The following LBH variants were observed in gnomAD, a reference collection of about 807,000 sequenced individuals.
LBH encodes the protein protein LBH.
In LBH, 7 loss-of-function variants were observed where a neutral mutation model predicts 12.5. That is an observed-to-expected ratio of 0.56 (90% CI 0.32 to 1.05). The LOEUF is 1.05. Among genes scored for constraint, LBH ranks in the 50% least tolerant of loss-of-function variants. LBH has a pLI of 0.04. For missense variants in LBH, 119 were observed against 138.9 expected, an observed-to-expected ratio of 0.86 and a Z score of 0.72; for synonymous variants, 51 against 50.1, an observed-to-expected ratio of 1.02 and a Z score of -0.08.
At chr2:30,231,830 T>C in intron 1 of LBH, 66 bp downstream of exon 1, 3 of 1,426,224 alleles carry the variant, frequency 2.1e-6, no homozygotes, top group Non-Finnish European at 2.8e-6. Context: ...GGGCGCCTGC[T>C]TCGTGCCGGC....
Position 30,231,655 on chromosome 2 carries a change from C to A in LBH, c.-84C>A. On this transcript the variant is annotated 5_prime_UTR_variant, in exon 1 of 3. Coordinates refer to ENST00000395323, the MANE Select transcript of LBH (RefSeq NM_030915.4). ...TCCGCACTCGGCCGCCTGCCGTGCC[C>A]GTCTGCGCCCGTGTCATCCTCACTC... 7.2e-7 allele frequency: 1 copy of A among 1,391,460 alleles called. No homozygotes were observed. The highest frequency in any genetic ancestry group is 1.0e-6 in the Non-Finnish European group (1 of 989,618). 86.2% of individuals were successfully genotyped at this position (1,391,460 alleles called of 1,614,324 possible).
intron 2 of LBH, among the ~76,000 whole-genome samples, chr2:30,242,959 T>C (rs1365863639): frequency 6.6e-6 from 1 of 152,234 alleles, no homozygotes. Flanking sequence ...CTTCTGATTA[T>C]ATGTTACCTT....
intron 2 of LBH, among the ~76,000 whole-genome samples, chr2:30,254,173 T>C (rs1476109240): frequency 6.6e-6 from 1 of 152,232 alleles, no homozygotes; most frequent in African/African-American, 2.4e-5. Flanking sequence ...CCACATATGC[T>C]ATGTTTTATC....
chr2:30,242,148 C>T (rs2103558616), intron 2 of LBH, among the ~76,000 whole-genome samples: 1 of 152,002 alleles, frequency 6.6e-6, no homozygotes, highest in East Asian at 1.9e-4. Context: ...ATACTGTTTC[C>T]TTAGCATAGA....
chr2:30,231,661 C>T lies in LBH; in HGVS notation c.-78C>T. The T allele has an allele frequency of 3.5e-6, 5 of 1,440,002 alleles. No individual in the cohort carries two copies. The highest frequency in any genetic ancestry group is 1.2e-5 in the South Asian group (1 of 85,130). The allele number at this position is 1,440,002 out of a possible 1,614,324, so 89.2% of individuals were successfully genotyped here. The stretch of plus-strand genomic sequence containing the variant: ...CTCGGCCGCCTGCCGTGCCCGTCTG[C>T]GCCCGTGTCATCCTCACTCGGGACG... On this transcript the variant is annotated 5_prime_UTR_variant, in exon 1 of 3. Coordinates refer to ENST00000395323, the MANE Select transcript of LBH (RefSeq NM_030915.4).
At chr2:30,234,275 C>T in intron 1 of LBH, 130 bp from the exon 2 acceptor site, 1 of 727,146 alleles carries the variant, frequency 1.4e-6, no homozygotes, top group Non-Finnish European at 2.4e-6. Context: ...TGTTTTGCTG[C>T]AAGTTCTGTT....
chr2:30,250,613 T>C (rs939879710), intron 2 of LBH, among the ~76,000 whole-genome samples: 21 of 151,870 alleles, frequency 1.4e-4, no homozygotes, highest in Admixed American at 5.9e-4. Context: ...CAGCCAGGTT[T>C]AGGTCACCTG....
At chr2:30,257,381 T>C in intron 2 of LBH, 52 bp from the exon 3 acceptor site, 2 of 1,591,034 alleles carry the variant, frequency 1.3e-6, no homozygotes, top group South Asian at 2.2e-5. Flanking sequence ...GGAATGGAAT[T>C]TCTCTTTTCA....
intron 2 of LBH, among the ~76,000 whole-genome samples, chr2:30,252,368 C>A (rs1313582906): frequency 6.6e-6 from 1 of 152,150 alleles, no homozygotes; most frequent in African/African-American, 2.4e-5. Flanking sequence ...GGCAATTAAA[C>A]CTCTTTCCTT....
intron 2 of LBH, among the ~76,000 whole-genome samples, chr2:30,251,398 TC>T (rs1169568270): frequency 1.3e-5 from 2 of 152,146 alleles, no homozygotes; most frequent in African/African-American, 4.8e-5. Flanking sequence ...GCCTTGAAGC[TC>T]CCTTGACCTT....
chr2:30,250,988 T>C (rs1285728451), intron 2 of LBH, among the ~76,000 whole-genome samples: 9 of 151,480 alleles, frequency 5.9e-5, no homozygotes, highest in African/African-American at 1.5e-4. Context: ...AAATTTCTAT[T>C]AATAAAAATT....
At position 30,257,790 on chromosome 2, in the gene LBH, C is replaced by CTTT. The variant is rs113721073; in HGVS notation, c.*180_*182dup. 142 of 402,644 alleles carry CTTT rather than the reference C, an allele frequency of 3.5e-4. No homozygotes were observed. The highest frequency in any genetic ancestry group is 4.7e-4 in the Admixed American group (10 of 21,252). 24.9% of individuals were successfully genotyped at this position (402,644 alleles called of 1,614,324 possible). On this transcript the variant is annotated 3_prime_UTR_variant, in exon 3 of 3. Coordinates refer to ENST00000395323, the MANE Select transcript of LBH (RefSeq NM_030915.4). ...AGTTGGTTTTCTTTTCTTTTCTTGC[C>CTTT]TTTTTTTTTTTTTGAAATTTGCCGA...
chr2:30,256,232 T>A (rs186540771), intron 2 of LBH, among the ~76,000 whole-genome samples: 1 of 152,296 alleles, frequency 6.6e-6, no homozygotes, highest in Non-Finnish European at 1.5e-5. Flanking sequence ...GGTTTGGAGT[T>A]TCTGCCAGCT....
chr2:30,234,207 T>A, intron 1 of LBH, 198 bp from the exon 2 acceptor site: 1 of 573,962 alleles, frequency 1.7e-6, no homozygotes, highest in Non-Finnish European at 3.1e-6. Context: ...GGGCTTTGTC[T>A]GTTGCGGCTG....
Position 30,258,012 on chromosome 2 carries a change from C to G in LBH, c.*391C>G. 6.1e-6 allele frequency: 1 copy of G among 163,228 alleles called. No individual in the cohort carries two copies. The highest frequency in any genetic ancestry group is 1.8e-4 in the South Asian group (1 of 5,480). The allele number at this position is 163,228 out of a possible 1,614,324, so 10.1% of individuals were successfully genotyped here. ...GGGCATGTGCAAAGCAAGCAAGGAA[C>G]ATTTGGGGTAAGAAAACAAACATGA... On this transcript the variant is annotated 3_prime_UTR_variant, in exon 3 of 3. Coordinates refer to ENST00000395323, the MANE Select transcript of LBH (RefSeq NM_030915.4).
rs558748521 is a variant in LBH, at chr2:30,259,214, T to A, written c.*1593T>A. The A allele has an allele frequency of 6.5e-6, 1 of 152,914 alleles. No homozygotes were observed. The highest frequency in any genetic ancestry group is 1.5e-5 in the Non-Finnish European group (1 of 68,202). The allele number at this position is 152,914 out of a possible 1,614,324, so 9.5% of individuals were successfully genotyped here. ...AGCTGTATTTAATACCTCAAGGTCA[T>A]TGTGGCTCTGGGGATGCCGGGGCAG... On this transcript the variant is annotated 3_prime_UTR_variant, in exon 3 of 3. Coordinates refer to ENST00000395323, the MANE Select transcript of LBH (RefSeq NM_030915.4).
At chr2:30,237,630 G>A (rs989191234) in intron 2 of LBH, among the ~76,000 whole-genome samples, 1 of 152,038 alleles carries the variant, frequency 6.6e-6, no homozygotes, top group African/African-American at 2.4e-5. Context: ...TTCTGGAAAG[G>A]GCCTCCTCAC....
chr2:30,242,915 AT>A (rs1283464787), intron 2 of LBH, among the ~76,000 whole-genome samples: 1 of 152,222 alleles, frequency 6.6e-6, no homozygotes, highest in African/African-American at 2.4e-5. Context: ...TGGAAGTAGA[AT>A]TACTGATTCA....
At chr2:30,242,923 T>C (rs1026791283) in intron 2 of LBH, among the ~76,000 whole-genome samples, 2 of 152,220 alleles carry the variant, frequency 1.3e-5, no homozygotes, top group Admixed American at 1.3e-4. Flanking sequence ...GAATTACTGA[T>C]TCAAAGAGAT....
Sources: gnomAD v4.1 joint callset for allele counts (sites outside exome capture counted in the v4.1 genomes callset) on GRCh38, gnomAD v4.1.1 for gene constraint, MANE v1.5 for transcripts, NCBI Gene and HGNC (gene_info 2026-07-23, HGNC 2026-07-21) for gene names.